The following FBXO8 variants were observed in gnomAD, a reference collection of about 807,000 sequenced individuals.
FBXO8 encodes the protein F-box only protein 8.
A neutral mutation model predicts 33.4 loss-of-function variants in FBXO8; 15 were observed. The observed-to-expected ratio is 0.45, with a 90% confidence interval of 0.30 to 0.69. FBXO8 has a LOEUF of 0.69. Ranked by LOEUF, FBXO8 falls within the 30% of genes least tolerant of loss-of-function variation. FBXO8 has a pLI of 0.08. For synonymous variants in FBXO8, 132 were observed against 131.5 expected, an observed-to-expected ratio of 1.00 and a Z score of -0.02; for missense variants, 274 against 380.3, an observed-to-expected ratio of 0.72 and a Z score of 2.32.
chr4:174,240,489 G>A (rs911052259), intron 4 of FBXO8, among the ~76,000 whole-genome samples: 4 of 151,726 alleles, frequency 2.6e-5, no homozygotes, highest in Non-Finnish European at 5.9e-5. Context: ...CAGTTATGTG[G>A]CATCAAAATG....
At position 174,265,272 on chromosome 4, in the gene FBXO8, AGCTTTTTATTTAGGTATTTACCTAATT is replaced by A. The variant is rs1736667838; in HGVS notation, c.-8-2199_-8-2173del. Among the ~76,000 whole-genome samples, 1 of 82,436 alleles carries A rather than the reference AGCTTTTTATTTAGGTATTTACCTAATT, an allele frequency of 1.2e-5. No individual in the cohort carries two copies. Among genetic ancestry groups the A allele is most frequent in the Non-Finnish European group, 2.9e-5 (1 of 34,734 alleles). The allele number at this position is 82,436 out of a possible 152,430, so 54.1% of individuals were successfully genotyped here. A position where few individuals can be genotyped will look rare whatever the true frequency, so the allele number is the denominator to read the frequency against. ...TTATTTAGGTATTTACCTAATTAAA[AGCTTTTTATTTAGGTATTTACCTAATT>A]AAAAGCTTTTTATTTAGGTATTTAC... On this transcript the variant is annotated intron_variant, in intron 1 of 5. Coordinates refer to ENST00000393674, the MANE Select transcript of FBXO8 (RefSeq NM_012180.3). This position sits in a 1 kb window ranked among gnomAD's most constrained non-coding sequence, Gnocchi z 4.7.
rs1477928244 is a variant in FBXO8, at chr4:174,261,514, GAGATT to G, written c.329+1245_329+1249del. 6.6e-6 allele frequency among the ~76,000 whole-genome samples: 1 copy of G among 151,918 alleles called. No individual in the cohort carries two copies. The highest frequency in any genetic ancestry group is 2.4e-5 in the African/African-American group (1 of 41,430). ...GTAAGGAATACTAAAATGTAGAAAA[GAGATT>G]AGAAAGAATGAGCCAGTTTAAAAGT... On this transcript the variant is annotated intron_variant, in intron 2 of 5. Transcript: ENST00000393674. This position sits in a 1 kb window ranked among gnomAD's most constrained non-coding sequence, Gnocchi z 4.1.
rs1369555568 is a variant in FBXO8, at chr4:174,236,745, G to A, written c.*667C>T. 1 of 151,656 alleles carries A rather than the reference G, an allele frequency of 6.6e-6. No homozygotes were observed. The highest frequency in any genetic ancestry group is 2.4e-5 in the African/African-American group (1 of 41,274). 9.4% of individuals were successfully genotyped at this position (151,656 alleles called of 1,614,324 possible). A position where few individuals can be genotyped will look rare whatever the true frequency, so the allele number is the denominator to read the frequency against. ...TTTTAAAAATCCTAAATGGTTTAAA[G>A]GACTTACCGAGACTTGATTAACCCA... On this transcript the variant is annotated 3_prime_UTR_variant, in exon 6 of 6. Coordinates refer to ENST00000393674, the MANE Select transcript of FBXO8 (RefSeq NM_012180.3).
rs1427328565 is a variant in FBXO8, at chr4:174,274,814, C to A, written c.-9+8596G>T. 6.6e-6 allele frequency among the ~76,000 whole-genome samples: 1 copy of A among 152,072 alleles called. No homozygotes were observed. The highest frequency in any genetic ancestry group is 1.5e-5 in the Non-Finnish European group (1 of 68,006). ...TTACAAAAATTAACTCAAAATGGAC[C>A]ATAGACTTAAACGTAAAACATAAAA... On this transcript the variant is annotated intron_variant, in intron 1 of 5. Coordinates refer to ENST00000393674, the MANE Select transcript of FBXO8 (RefSeq NM_012180.3). This position sits in a 1 kb window ranked among gnomAD's most constrained non-coding sequence, Gnocchi z 4.0.
At position 174,259,955 on chromosome 4, in the gene FBXO8, T is replaced by G; in HGVS notation, c.330-130A>C. On this transcript the variant is annotated intron_variant, in intron 2 of 5. Transcript: ENST00000393674. This position sits in a 1 kb window ranked among gnomAD's most constrained non-coding sequence, Gnocchi z 4.3. ...TTTATAGTTCTAAAGTTTAAAATTT[T>G]TAAGTTTGTACTTGTTTTCTATTTG... is the stretch of plus-strand genomic sequence containing the variant. The G allele has an allele frequency of 9.7e-7, 1 of 1,034,508 alleles. No homozygotes were observed. Among genetic ancestry groups the G allele is most frequent in the South Asian group, 1.9e-5 (1 of 53,508 alleles). The allele number at this position is 1,034,508 out of a possible 1,614,324, so 64.1% of individuals were successfully genotyped here. A position where few individuals can be genotyped will look rare whatever the true frequency, so the allele number is the denominator to read the frequency against.
intron 3 of FBXO8, among the ~76,000 whole-genome samples, chr4:174,244,993 A>G (rs777532434): frequency 2.0e-4 from 30 of 151,966 alleles, no homozygotes; most frequent in Non-Finnish European, 3.8e-4. Context: ...GCATATTTAC[A>G]TATATGCATC....
rs1449903679 is a variant in FBXO8 at position 174,241,065 on chromosome 4, C to T, written c.575+35G>A. The stretch of plus-strand genomic sequence containing the variant: ...TTAACTCATCAAAAACATTACTTAA[C>T]TCATTTTGGATGAAAAGTTAATTTT... On this transcript the variant is annotated intron_variant, in intron 4 of 5. Transcript: ENST00000393674. The surrounding 1 kb of genome is among the most constrained non-coding windows in gnomAD (Gnocchi z 4.2). 1 of 1,283,004 alleles carries T rather than the reference C, an allele frequency of 7.8e-7. No individual in the cohort carries two copies. The allele number at this position is 1,283,004 out of a possible 1,614,324, so 79.5% of individuals were successfully genotyped here.
Position 174,245,859 on chromosome 4 carries a change from G to A in FBXO8, c.457-4641C>T, listed in dbSNP as rs1736146759. Among the ~76,000 whole-genome samples, 1 of 151,884 alleles carries A rather than the reference G, an allele frequency of 6.6e-6. No homozygotes were observed. Among genetic ancestry groups the A allele is most frequent in the Non-Finnish European group, 1.5e-5 (1 of 67,912 alleles). Reference sequence around the variant, plus strand: ...AGTGAAAAGTGAAAGACAGCTGATGGTTCTGGCTTAGATGAAGAGGGAAAT... The same window carrying A: ...AGTGAAAAGTGAAAGACAGCTGATGATTCTGGCTTAGATGAAGAGGGAAAT... On this transcript the variant is annotated intron_variant, in intron 3 of 5. Coordinates refer to ENST00000393674, the MANE Select transcript of FBXO8 (RefSeq NM_012180.3). The surrounding 1 kb of genome is among the most constrained non-coding windows in gnomAD (Gnocchi z 4.6).
At chr4:174,239,566 C>T (rs1355649720) in intron 4 of FBXO8, among the ~76,000 whole-genome samples, 1 of 151,860 alleles carries the variant, frequency 6.6e-6, no homozygotes, top group African/African-American at 2.4e-5. Flanking sequence ...TAATGACAGT[C>T]TCCACCTATA....
At position 174,278,736 on chromosome 4, in the gene FBXO8, A is replaced by G. The variant is rs1327480624; in HGVS notation, c.-9+4674T>C. ...CACAAAGGCCATTGCTATGAGTGCTATGGAATTAAAAACCAAAACAAAAGT... is the reference window on the plus strand; with the variant it reads ...CACAAAGGCCATTGCTATGAGTGCTGTGGAATTAAAAACCAAAACAAAAGT... On this transcript the variant is annotated intron_variant, in intron 1 of 5. Coordinates refer to ENST00000393674, the MANE Select transcript of FBXO8 (RefSeq NM_012180.3). The surrounding 1 kb of genome is among the most constrained non-coding windows in gnomAD (Gnocchi z 4.1). Among the ~76,000 whole-genome samples the G allele has an allele frequency of 6.6e-6, 1 of 152,074 alleles. No individual in the cohort carries two copies. The highest frequency in any genetic ancestry group is 1.5e-5 in the Non-Finnish European group (1 of 67,930).
Position 174,283,590 on chromosome 4 carries a change from G to A in FBXO8, c.-189C>T, listed in dbSNP as rs1737202643. The stretch of plus-strand genomic sequence containing the variant: ...ATGAGAATACCAGAAACAGCACTAC[G>A]ACCCTCAGAACTCAGGGTACCTCCA... On this transcript the variant is annotated 5_prime_UTR_variant, in exon 1 of 6. Coordinates refer to ENST00000393674, the MANE Select transcript of FBXO8 (RefSeq NM_012180.3). This position sits in a 1 kb window ranked among gnomAD's most constrained non-coding sequence, Gnocchi z 6.7. The A allele has an allele frequency of 3.4e-6, 1 of 293,022 alleles. No homozygotes were observed. The highest frequency in any genetic ancestry group is 6.2e-6 in the Non-Finnish European group (1 of 160,028). The allele number at this position is 293,022 out of a possible 1,614,324, so 18.2% of individuals were successfully genotyped here. A position where few individuals can be genotyped will look rare whatever the true frequency, so the allele number is the denominator to read the frequency against.
At position 174,248,244 on chromosome 4, in the gene FBXO8, T is replaced by C. The variant is rs78414423; in HGVS notation, c.457-7026A>G. 3.0e-3 allele frequency among the ~76,000 whole-genome samples: 459 copies of C among 152,178 alleles called. 1 individual carries two copies. Among genetic ancestry groups the C allele is most frequent in the Non-Finnish European group, 5.8e-3 (396 of 67,946 alleles). ...ACATACATAACAGAAATGTCACACATTGCTTTTATTAAGCTGCCTATAAAT... is the reference window on the plus strand; with the variant it reads ...ACATACATAACAGAAATGTCACACACTGCTTTTATTAAGCTGCCTATAAAT... On this transcript the variant is annotated intron_variant, in intron 3 of 5. Coordinates refer to ENST00000393674, the MANE Select transcript of FBXO8 (RefSeq NM_012180.3).
chr4:174,261,628 G>A lies in FBXO8; in HGVS notation c.329+1136C>T, dbSNP rs1239066838. On this transcript the variant is annotated intron_variant, in intron 2 of 5. Coordinates refer to ENST00000393674, the MANE Select transcript of FBXO8 (RefSeq NM_012180.3). The surrounding 1 kb of genome is among the most constrained non-coding windows in gnomAD (Gnocchi z 4.1). ...CCTCATTAACAGAATTTCCTCTCAC[G>A]TAGTACTTTCACTATGTCAAACAAA... 1.3e-5 allele frequency among the ~76,000 whole-genome samples: 2 copies of A among 151,802 alleles called. No individual in the cohort carries two copies. The highest frequency in any genetic ancestry group is 2.9e-5 in the Non-Finnish European group (2 of 67,852).
rs1275882457 is a variant in FBXO8, at chr4:174,267,454, G to T, written c.-8-4354C>A. Among the ~76,000 whole-genome samples the T allele has an allele frequency of 2.0e-5, 3 of 152,154 alleles. No individual in the cohort carries two copies. The highest frequency in any genetic ancestry group is 4.4e-5 in the Non-Finnish European group (3 of 68,020). On this transcript the variant is annotated intron_variant, in intron 1 of 5. Transcript: ENST00000393674. This position sits in a 1 kb window ranked among gnomAD's most constrained non-coding sequence, Gnocchi z 4.7. ...CCTATCCACTCAGGAGTCTGAGGCA[G>T]GAAGATCACTTGAGCTCAGGAGTTT... is the stretch of plus-strand genomic sequence containing the variant.
intron 1 of FBXO8, among the ~76,000 whole-genome samples, chr4:174,264,026 G>A (rs1465631794): frequency 7.9e-5 from 12 of 152,120 alleles, no homozygotes; most frequent in Non-Finnish European, 2.9e-5. Flanking sequence ...AGTTCCTAAT[G>A]AATACAAATA....
At chr4:174,239,339 A>T in intron 4 of FBXO8, 149 bp from the exon 5 acceptor site, 1 of 434,060 alleles carries the variant, frequency 2.3e-6, no homozygotes, top group Non-Finnish European at 4.1e-6. Context: ...ATAATTCCCA[A>T]CATTAAAAAA....
chr4:174,245,361 G>C lies in FBXO8; in HGVS notation c.457-4143C>G, dbSNP rs1008739175. On this transcript the variant is annotated intron_variant, in intron 3 of 5. Coordinates refer to ENST00000393674, the MANE Select transcript of FBXO8 (RefSeq NM_012180.3). This position sits in a 1 kb window ranked among gnomAD's most constrained non-coding sequence, Gnocchi z 4.6. ...TAGAGATTAGACTGAAGTATTGTAAGGGGTTTAGACAAGGAATTTAAGGGG... is the reference window on the plus strand; with the variant it reads ...TAGAGATTAGACTGAAGTATTGTAACGGGTTTAGACAAGGAATTTAAGGGG... Among the ~76,000 whole-genome samples the C allele has an allele frequency of 4.6e-5, 7 of 151,880 alleles. No individual in the cohort carries two copies. The highest frequency in any genetic ancestry group is 1.7e-4 in the African/African-American group (7 of 41,398).
Position 174,237,481 on chromosome 4 carries a change from T to C in FBXO8, c.891A>G (p.Gln297=), listed in dbSNP as rs148818503. 389 of 1,613,670 alleles carry C rather than the reference T, an allele frequency of 2.4e-4. 1 individual carries two copies. The highest frequency in any genetic ancestry group is 7.4e-4 in the South Asian group (67 of 91,060). The change falls in exon 6 of 6, where the codon CAA becomes CAG. Residue 297 remains glutamine (Q), a synonymous_variant. Transcript: ENST00000393674. This position sits in a 1 kb window ranked among gnomAD's most constrained non-coding sequence, Gnocchi z 4.4. The part of the protein sequence containing the change: ...EFIRNTRRAA[Q]NISEDFVGHL... ...GCCCTACAAAATCTTCACTAATATTTTGAGCAGCGCGACGGGTATTTCGAA... is the reference window on the plus strand; with the variant it reads ...GCCCTACAAAATCTTCACTAATATTCTGAGCAGCGCGACGGGTATTTCGAA...
chr4:174,261,977 G>A lies in FBXO8; in HGVS notation c.329+787C>T, dbSNP rs1040961237. ...TCTGAGATCCAATGATTCCATGTTT[G>A]GTAATATTTTTAGGCCAAAAAATCA... On this transcript the variant is annotated intron_variant, in intron 2 of 5. Transcript: ENST00000393674. This position sits in a 1 kb window ranked among gnomAD's most constrained non-coding sequence, Gnocchi z 4.1. Among the ~76,000 whole-genome samples, 23 of 152,014 alleles carry A rather than the reference G, an allele frequency of 1.5e-4. No individual in the cohort carries two copies. Among genetic ancestry groups the A allele is most frequent in the South Asian group, 2.1e-4 (1 of 4,814 alleles).
Sources: allele counts gnomAD v4.1 joint callset (sites outside exome capture counted in the v4.1 genomes callset), GRCh38; gene constraint gnomAD v4.1.1; non-coding constraint Gnocchi (gnomAD v3.1); transcripts MANE v1.5; gene names NCBI Gene and HGNC (gene_info 2026-07-23, HGNC 2026-07-21).